The following CAPN14 variants were observed in gnomAD, a reference collection of about 807,000 sequenced individuals.
CAPN14 encodes the protein calpain-14.
CAPN14 carries 94 observed loss-of-function variants against 101.3 expected under a neutral mutation model. The observed-to-expected ratio is 0.93, with a 90% CI of 0.79 to 1.10. CAPN14 has a LOEUF of 1.10. CAPN14 is among the 50% of genes least tolerant of loss of function. The probability of loss-of-function intolerance (pLI) is 0.00; values close to 1 mark genes in which losing one functional copy is unlikely to be tolerated. For missense variants in CAPN14, 837 were observed against 828.4 expected (o/e 1.01, Z -0.13); for synonymous variants, 338 against 317.9 (o/e 1.06, Z -0.67).
chr2:31,217,434 C>G (rs1046472161), intron 1 of CAPN14, 22 bp downstream of exon 1: 1 of 152,180 alleles, frequency 6.6e-6, no homozygotes. Context: ...TTGGACCCAC[C>G]CTTGGAACTA....
At chr2:31,213,526 T>C (rs901215791) in intron 1 of CAPN14, among the ~76,000 whole-genome samples, 7 of 152,240 alleles carry the variant, frequency 4.6e-5, no homozygotes, top group African/African-American at 1.7e-4. Flanking sequence ...TCTAAAGCAC[T>C]GTTTAACCAG....
rs570806158 is a variant in CAPN14, at chr2:31,177,710, G to C, written c.1855+36C>G. 50 of 1,467,810 alleles carry C rather than the reference G, an allele frequency of 3.4e-5. 1 individual carries two copies. In the Middle Eastern group the frequency reaches 7.0e-4, roughly 21 times the overall value. The allele number at this position is 1,467,810 out of a possible 1,614,324, so 90.9% of individuals were successfully genotyped here. On this transcript the variant is annotated intron_variant, in intron 19 of 21. Transcript: ENST00000403897. The stretch of plus-strand genomic sequence containing the variant: ...TGCCTGATGAGTGTGCACCCTGCCC[G>C]TGTGTGCCCACAGCTCCAGCTCTTC...
chr2:31,210,061 A>C (rs1472429985), intron 1 of CAPN14, among the ~76,000 whole-genome samples: 1 of 152,218 alleles, frequency 6.6e-6, no homozygotes, highest in African/African-American at 2.4e-5. Flanking sequence ...GGGTGGTCTT[A>C]CAACTCATTT....
chr2:31,212,013 A>C (rs1464195302), intron 1 of CAPN14, among the ~76,000 whole-genome samples: 1 of 152,168 alleles, frequency 6.6e-6, no homozygotes, highest in African/African-American at 2.4e-5. Flanking sequence ...TCAATGAACT[A>C]TGTACAACAC....
Position 31,198,581 on chromosome 2 carries a change from A to G in CAPN14, c.789+889T>C, listed in dbSNP as rs1681585193. Among the ~76,000 whole-genome samples, 7 of 152,234 alleles carry G rather than the reference A, an allele frequency of 4.6e-5. No individual in the cohort carries two copies. The South Asian group carries it at 1.0e-3, about 23-fold the overall frequency. The stretch of plus-strand genomic sequence containing the variant: ...AGTAAGTGCTATATAAATTTTGTTA[A>G]TAAATATGGAAATAAATTAAAAGCT... On this transcript the variant is annotated intron_variant, in intron 7 of 21. Transcript: ENST00000403897.
chr2:31,177,128 C>A lies in CAPN14; in HGVS notation c.1870G>T (p.Asp624Tyr). The A allele has an allele frequency of 6.4e-7, 1 of 1,550,694 alleles. No homozygotes were observed. The highest frequency in any genetic ancestry group is 1.2e-5 in the South Asian group (1 of 83,912). Reference protein sequence around the residue: ...AMREAGIMLSDDVCQLMLIRY... With the variant: ...AMREAGIMLSYDVCQLMLIRY... ...ATGAGCATCAGCTGACAGACGTCAT[C>A]ACTGAGCATGATTCCTGCATTGAGC... Residue 624 changes from aspartate (D) to tyrosine (Y), a missense_variant, in exon 20 of 22, where the codon GAT (aspartate) becomes TAT (tyrosine). By Grantham distance (160) the Asp-to-Tyr change is radical (BLOSUM62 -3). Coordinates refer to ENST00000403897, the MANE Select transcript of CAPN14 (RefSeq NM_001145122.2).
At chr2:31,220,102 T>A (rs1487979396), upstream of CAPN14, among the ~76,000 whole-genome samples, 1 of 152,200 alleles carries the variant, frequency 6.6e-6, no homozygotes, top group Non-Finnish European at 1.5e-5. Flanking sequence ...TCCAAGTCCT[T>A]AACCTCACCA....
intron 1 of CAPN14, among the ~76,000 whole-genome samples, chr2:31,215,597 C>T (rs1051376274): frequency 3.3e-5 from 5 of 152,136 alleles, no homozygotes; most frequent in Non-Finnish European, 7.3e-5. Context: ...AATGTCCCTC[C>T]TCTCCAGAGC....
intron 8 of CAPN14, among the ~76,000 whole-genome samples, chr2:31,195,779 A>C (rs1162789546): frequency 2.6e-5 from 4 of 152,210 alleles, no homozygotes; most frequent in Non-Finnish European, 5.9e-5. Context: ...TATCAAAACA[A>C]TCCCTAAGTA....
chr2:31,211,474 G>GA (rs1226911350), intron 1 of CAPN14, among the ~76,000 whole-genome samples: 2 of 151,732 alleles, frequency 1.3e-5, no homozygotes, highest in African/African-American at 4.8e-5. Flanking sequence ...AATGTATTAG[G>GA]AAAAAAAATC....
At chr2:31,180,543 T>C (rs1388158211) in intron 17 of CAPN14, among the ~76,000 whole-genome samples, 1 of 152,106 alleles carries the variant, frequency 6.6e-6, no homozygotes, top group Non-Finnish European at 1.5e-5. Flanking sequence ...AGTTATTAAA[T>C]GGAAAACATA....
intron 1 of CAPN14, among the ~76,000 whole-genome samples, chr2:31,207,492 G>T (rs528445055): frequency 6.6e-6 from 1 of 152,132 alleles, no homozygotes; most frequent in Non-Finnish European, 1.5e-5. Flanking sequence ...TTCAGGTCAG[G>T]TGCAAGGGCT....
chr2:31,175,700 A>T (rs1434382305), intron 21 of CAPN14, among the ~76,000 whole-genome samples: 1 of 152,224 alleles, frequency 6.6e-6, no homozygotes, highest in Non-Finnish European at 1.5e-5. Context: ...GAGGGGTGAC[A>T]CAGGCTGCAG....
At chr2:31,198,425 T>A (rs537171476) in intron 7 of CAPN14, among the ~76,000 whole-genome samples, 2 of 152,184 alleles carry the variant, frequency 1.3e-5, no homozygotes, top group African/African-American at 4.8e-5. Context: ...ATCCTCAACA[T>A]TGGCAAAATA....
chr2:31,187,879 C>T, intron 14 of CAPN14, 65 bp from the exon 15 acceptor site: 1 of 1,249,920 alleles, frequency 8.0e-7, no homozygotes, highest in Non-Finnish European at 1.1e-6. Context: ...TCGTGCACAC[C>T]CTAATGTCTC....
At chr2:31,222,370 C>A (rs930596546), upstream of CAPN14, among the ~76,000 whole-genome samples, 2 of 152,120 alleles carry the variant, frequency 1.3e-5, no homozygotes, top group African/African-American at 4.8e-5. Flanking sequence ...CCTGCCCTCT[C>A]TGGAATTATG....
Position 31,202,035 on chromosome 2 carries a change from G to C in CAPN14, c.415-37C>G, listed in dbSNP as rs773836247. 4.5e-6 allele frequency: 7 copies of C among 1,550,382 alleles called. No individual in the cohort carries two copies. In the African/African-American group the frequency reaches 9.6e-5, roughly 21 times the overall value. ...GAGTGGCCCCGGGTGAATGAGGACTGCTGCAGATGGTGATCAGCCCAGAAG... is the reference window on the plus strand; with the variant it reads ...GAGTGGCCCCGGGTGAATGAGGACTCCTGCAGATGGTGATCAGCCCAGAAG... On this transcript the variant is annotated intron_variant, in intron 4 of 21. Transcript: ENST00000403897.
chr2:31,189,347 G>T lies in CAPN14; in HGVS notation c.1419C>A (p.Ile473=), dbSNP rs368597382. 6.4e-7 allele frequency: 1 copy of T among 1,551,624 alleles called. No individual in the cohort carries two copies. Among genetic ancestry groups the T allele is most frequent in the East Asian group, 2.4e-5 (1 of 40,924 alleles). Residue 473 remains isoleucine, a synonymous_variant, in exon 13 of 22, where the codon ATC becomes ATA. Coordinates refer to ENST00000403897, the MANE Select transcript of CAPN14 (RefSeq NM_001145122.2). ...GGTGGGCCTCCAATATGCAGGGCAC[G>T]ATGAGGTACGTCCCTGGTTCCAGAC... is the stretch of plus-strand genomic sequence containing the variant. ...ELCLEPGTYL[I]VPCILEAHQK... is the part of the protein sequence containing the mutation.
intron 16 of CAPN14, among the ~76,000 whole-genome samples, chr2:31,181,769 G>C (rs1312530908): frequency 1.4e-5 from 2 of 142,620 alleles, no homozygotes; most frequent in Admixed American, 1.5e-4. Context: ...GAGAACATGT[G>C]GTGTTTGGTT....
Sources: allele counts gnomAD v4.1 joint callset (sites outside exome capture counted in the v4.1 genomes callset), GRCh38; gene constraint gnomAD v4.1.1; transcripts MANE v1.5; gene names NCBI Gene and HGNC (gene_info 2026-07-23, HGNC 2026-07-21).